The following PKHD1 variants were observed in gnomAD, a reference collection of about 807,000 sequenced individuals.
The protein encoded by PKHD1 is fibrocystin.
A neutral mutation model predicts 412.0 loss-of-function variants in PKHD1; 291 were observed. The ratio of observed to expected loss-of-function variants is 0.71; its 90% CI spans 0.64 to 0.78. The LOEUF is 0.78. Ranked by LOEUF, PKHD1 falls within the 30% of genes least tolerant of loss-of-function variation. PKHD1 has a pLI of 0.00. For missense variants in PKHD1, 4,825 were observed against 4,950.7 expected (o/e 0.97, Z 0.76); for synonymous variants, 1,777 against 1,821.5 (o/e 0.98, Z 0.62).
At chr6:51,620,976 A>G (rs1213302704) in intron 66 of PKHD1, among the ~76,000 whole-genome samples, 1 of 151,946 alleles carries the variant, frequency 6.6e-6, no homozygotes, top group Non-Finnish European at 1.5e-5. Context: ...CCATCAAACT[A>G]TGGGATGATT....
intron 66 of PKHD1, among the ~76,000 whole-genome samples, chr6:51,624,125 T>G (rs1766961915): frequency 6.6e-6 from 1 of 152,202 alleles, no homozygotes; most frequent in South Asian, 2.1e-4. Context: ...GATATTTTCA[T>G]AGCTCACTGC....
At chr6:51,843,713 A>G (rs1228239653) in intron 50 of PKHD1, among the ~76,000 whole-genome samples, 1 of 152,254 alleles carries the variant, frequency 6.6e-6, no homozygotes, top group African/African-American at 2.4e-5. Flanking sequence ...ATAATTGTTT[A>G]TCACATCAAA....
chr6:51,841,735 T>A (rs1024998911), intron 50 of PKHD1, among the ~76,000 whole-genome samples: 26 of 152,134 alleles, frequency 1.7e-4, no homozygotes, highest in Admixed American at 1.7e-3. Flanking sequence ...CCCCAAGAGG[T>A]CACAGGAGCC....
rs2128179115 is a variant in PKHD1 at position 52,041,162 on chromosome 6, A to C, written c.3097+1697T>G. On this transcript the variant is annotated intron_variant, in intron 27 of 66. Transcript: ENST00000371117. Reference sequence around the variant, plus strand: ...TCCTTTCAAGGGTTTTGCTTCTGCAAATGGGTAGGTGGTGATTTATCACAT... The same window carrying C: ...TCCTTTCAAGGGTTTTGCTTCTGCACATGGGTAGGTGGTGATTTATCACAT... 1.3e-5 allele frequency among the ~76,000 whole-genome samples: 2 copies of C among 152,360 alleles called. 1 individual carries two copies. Among genetic ancestry groups the C allele is most frequent in the South Asian group, 4.1e-4 (2 of 4,830 alleles).
intron 60 of PKHD1, among the ~76,000 whole-genome samples, chr6:51,723,741 A>C (rs1262568623): frequency 2.0e-5 from 3 of 152,150 alleles, no homozygotes; most frequent in African/African-American, 7.2e-5. Flanking sequence ...GGCGAAAGAA[A>C]ACATCTTAAA....
rs748702899 is a variant in PKHD1, at chr6:52,022,959, G to T, written c.5237-15C>A. 4 of 1,613,908 alleles carry T rather than the reference G, an allele frequency of 2.5e-6. No individual in the cohort carries two copies. In the East Asian group the frequency reaches 8.9e-5, roughly 36 times the overall value. On this transcript the variant is annotated splice_polypyrimidine_tract_variant and intron_variant, in intron 32 of 66. Coordinates refer to ENST00000371117, the MANE Select transcript of PKHD1 (RefSeq NM_138694.4). ...ACCCAGGCAGCCTTTAAAGACAAAGGTACAAGTTCTTGATCATACAGGCAA... is the reference window on the plus strand; with the variant it reads ...ACCCAGGCAGCCTTTAAAGACAAAGTTACAAGTTCTTGATCATACAGGCAA...
chr6:51,734,398 G>T (rs1783586907), intron 60 of PKHD1, among the ~76,000 whole-genome samples: 1 of 152,014 alleles, frequency 6.6e-6, no homozygotes, highest in Non-Finnish European at 1.5e-5. Flanking sequence ...GAGTTGACTG[G>T]CAAACTAAAC....
intron 35 of PKHD1, among the ~76,000 whole-genome samples, chr6:51,991,041 C>T (rs566840426): frequency 7.5e-4 from 114 of 152,316 alleles, no homozygotes; most frequent in Non-Finnish European, 1.0e-3. Flanking sequence ...CACTTACTGT[C>T]TTAAAGTTAA....
chr6:51,768,579 A>C (rs1390030229), intron 55 of PKHD1, among the ~76,000 whole-genome samples: 1 of 151,986 alleles, frequency 6.6e-6, no homozygotes, highest in African/African-American at 2.4e-5. Flanking sequence ...AGAGTTTTTC[A>C]GATAATTCTC....
intron 15 of PKHD1, 89 bp from the exon 16 acceptor site, chr6:52,058,690 A>C: frequency 7.4e-7 from 1 of 1,356,064 alleles, no homozygotes; most frequent in Non-Finnish European, 1.0e-6. Context: ...TGCTACTATC[A>C]AGAGAGTTTT....
In PKHD1 at chr6:51,626,901, C is replaced by T. The variant is rs986218489; in HGVS notation, c.11785+96G>A. On this transcript the variant is annotated intron_variant, in intron 66 of 66. Coordinates refer to ENST00000371117, the MANE Select transcript of PKHD1 (RefSeq NM_138694.4). ...ACAAAGACTAAGAAGGGGCTATAAA[C>T]CAAATTGCTTCAGAGACAGAGCTGA... 3.7e-6 allele frequency: 5 copies of T among 1,364,814 alleles called. No homozygotes were observed. In the African/African-American group the frequency reaches 7.2e-5, roughly 20 times the overall value. 84.5% of individuals were successfully genotyped at this position (1,364,814 alleles called of 1,614,324 possible). A position where few individuals can be genotyped will look rare whatever the true frequency, so the allele number is the denominator to read the frequency against.
intron 57 of PKHD1, among the ~76,000 whole-genome samples, chr6:51,751,785 G>T (rs968200162): frequency 1.3e-5 from 2 of 152,070 alleles, no homozygotes; most frequent in African/African-American, 4.8e-5. Flanking sequence ...AAATAAATAG[G>T]CAATTGTACT....
chr6:51,773,829 A>T (rs1381546724), intron 54 of PKHD1, among the ~76,000 whole-genome samples: 1 of 151,344 alleles, frequency 6.6e-6, no homozygotes, highest in Non-Finnish European at 1.5e-5. Flanking sequence ...GAACTTAACC[A>T]ACTGTTTATA....
rs775010960 is a variant in PKHD1, at chr6:51,883,211, T to C, written c.7232A>G (p.Asn2411Ser). The C allele has an allele frequency of 6.2e-7, 1 of 1,613,630 alleles. No homozygotes were observed. Among genetic ancestry groups the C allele is most frequent in the Non-Finnish European group, 8.5e-7 (1 of 1,179,562 alleles). Residue 2411 changes from asparagine (N) to serine (S), a missense_variant, in exon 46 of 67, where the codon AAT becomes AGT. By Grantham distance (46) the Asn-to-Ser change is conservative. Transcript: ENST00000371117. ...AGGAQIFRSS[N>S]LRLKNFKVYS... ...AACTTTGAAGTTTTTCAGGCGAAGA[T>C]TGCTACTTCTAAAAATCTATAAAAT...
At chr6:51,768,109 T>C (rs1331257781) in intron 55 of PKHD1, among the ~76,000 whole-genome samples, 1 of 152,188 alleles carries the variant, frequency 6.6e-6, no homozygotes, top group Non-Finnish European at 1.5e-5. Context: ...GCTGCATAAA[T>C]GTCTTCTTTT....
At chr6:51,674,520 G>C (rs1352762702) in intron 60 of PKHD1, among the ~76,000 whole-genome samples, 2 of 151,998 alleles carry the variant, frequency 1.3e-5, no homozygotes, top group Non-Finnish European at 2.9e-5. Context: ...GAAAAAACTT[G>C]AGCCACAGCA....
At chr6:51,899,765 G>A (rs1583274069) in intron 43 of PKHD1, among the ~76,000 whole-genome samples, 1 of 152,148 alleles carries the variant, frequency 6.6e-6, no homozygotes, top group East Asian at 1.9e-4. Flanking sequence ...TATCTGGAAA[G>A]CCCCATTGTC....
In PKHD1 at chr6:52,058,437, C is replaced by G; in HGVS notation, c.1398G>C (p.Gly466=). 2.5e-6 allele frequency: 4 copies of G among 1,614,180 alleles called. No individual in the cohort carries two copies. Among genetic ancestry groups the G allele is most frequent in the South Asian group, 1.1e-5 (1 of 91,080 alleles). Reference sequence around the variant, plus strand: ...TGTGAATCTGGACACCAATCCTCATCCCCCTGCTTGGGGCTATCCCATGAT... The same window carrying G: ...TGTGAATCTGGACACCAATCCTCATGCCCCTGCTTGGGGCTATCCCATGAT... ...AEHHGIAPSR[G]MRIGVQIHNT... The change falls in exon 16 of 67, where the codon GGG becomes GGC. Residue 466 remains glycine (G), a synonymous_variant. Transcript: ENST00000371117.
intron 37 of PKHD1, among the ~76,000 whole-genome samples, chr6:51,920,130 C>T (rs1784461008): frequency 6.6e-6 from 1 of 152,210 alleles, no homozygotes; most frequent in African/African-American, 2.4e-5. Flanking sequence ...CTTTATCCTG[C>T]CTGATGGCCC....
Sources: allele counts gnomAD v4.1 joint callset (sites outside exome capture counted in the v4.1 genomes callset), GRCh38; gene constraint gnomAD v4.1.1; transcripts MANE v1.5; gene names NCBI Gene and HGNC (gene_info 2026-07-23, HGNC 2026-07-21).